SLTM: variants seen among roughly 807,000 people sequenced by gnomAD.
SLTM encodes the protein SAFB-like transcription modulator.
A neutral mutation model predicts 134.6 loss-of-function variants in SLTM; 43 were observed. The ratio of observed to expected loss-of-function variants is 0.32; its 90% CI spans 0.25 to 0.41. SLTM has a LOEUF of 0.41. Ranked by LOEUF, SLTM falls within the 10% of genes least tolerant of loss-of-function variation. The pLI is 1.00. For synonymous variants in SLTM, 424 were observed against 432.3 expected (o/e 0.98, Z 0.24); for missense variants, 1,055 against 1,288.8 (o/e 0.82, Z 2.78).
At chr15:58,906,270 T>G (rs1398493265) in intron 5 of SLTM, among the ~76,000 whole-genome samples, 2 of 152,204 alleles carry the variant, frequency 1.3e-5, no homozygotes, top group African/African-American at 2.4e-5. Context: ...TGTAAAACAT[T>G]TATTTGTCAA....
chr15:58,928,806 T>C (rs1323394391), intron 2 of SLTM, among the ~76,000 whole-genome samples: 1 of 152,252 alleles, frequency 6.6e-6, no homozygotes, highest in African/African-American at 2.4e-5. Flanking sequence ...TTATATATTA[T>C]GTCTCGCTGA....
rs139852972 is a variant in SLTM at position 58,897,215 on chromosome 15, C to A, written c.1127G>T (p.Ser376Ile). ...KDDKGSTSST[S>I]GSSGSSTKNI... The stretch of plus-strand genomic sequence containing the variant: ...TTTAGTTGAGCTTCCACTGCTACCA[C>A]TAGTACTACTTGTACTTCCTAGAAT... The change falls in exon 9 of 21, where the codon AGT becomes ATT. Residue 376 changes from serine to isoleucine, a missense_variant. By Grantham distance (142) the Ser-to-Ile change is moderately radical (BLOSUM62 -2). Coordinates refer to ENST00000380516, the MANE Select transcript of SLTM (RefSeq NM_024755.4). 3,398 of 1,598,974 alleles carry A rather than the reference C, an allele frequency of 2.1e-3. 4 individuals are homozygous for A. The highest frequency in any genetic ancestry group is 2.7e-3 in the Non-Finnish European group (3,163 of 1,166,568).
At chr15:58,931,747 G>A (rs1192497345) in intron 2 of SLTM, among the ~76,000 whole-genome samples, 1 of 152,106 alleles carries the variant, frequency 6.6e-6, no homozygotes, top group Non-Finnish European at 1.5e-5. Context: ...AATATATTTT[G>A]CTCTAGCTTA....
In SLTM at chr15:58,887,439, G is replaced by A. The variant is rs1487521133; in HGVS notation, c.2477C>T (p.Ser826Phe). ...FERYPKNFSDSRRNEPPPPRN... is the reference protein window; with the variant it reads ...FERYPKNFSDFRRNEPPPPRN... ...TGGTGGTGGAGGCTCATTTCTTCTGGAGTCACTGAAATTTTTGGGATATCT... is the reference window on the plus strand; with the variant it reads ...TGGTGGTGGAGGCTCATTTCTTCTGAAGTCACTGAAATTTTTGGGATATCT... The change falls in exon 18 of 21, where the codon TCC (serine) becomes TTC (phenylalanine). Residue 826 changes from serine to phenylalanine, a missense_variant. Around this residue, in one of 3 missense-constraint regions of SLTM, gnomAD observed 776 missense variants for 962.2 expected, o/e 0.81. Coordinates refer to ENST00000380516, the MANE Select transcript of SLTM (RefSeq NM_024755.4). 3 of 1,613,972 alleles carry A rather than the reference G, an allele frequency of 1.9e-6. No homozygotes were observed.
intron 2 of SLTM, among the ~76,000 whole-genome samples, chr15:58,917,773 A>G (rs76124947): frequency 6.6e-6 from 1 of 152,060 alleles, no homozygotes; most frequent in Non-Finnish European, 1.5e-5. Flanking sequence ...TTCTTGAGAC[A>G]GAGTCGCACT....
At position 58,933,661 on chromosome 15, in the gene SLTM, G is replaced by T; in HGVS notation, c.-96C>A. 2 of 1,345,944 alleles carry T rather than the reference G, an allele frequency of 1.5e-6. No individual in the cohort carries two copies. Among genetic ancestry groups the T allele is most frequent in the Non-Finnish European group, 1.9e-6 (2 of 1,052,812 alleles). 83.4% of individuals were successfully genotyped at this position (1,345,944 alleles called of 1,614,324 possible). On this transcript the variant is annotated 5_prime_UTR_variant, in exon 1 of 21. Coordinates refer to ENST00000380516, the MANE Select transcript of SLTM (RefSeq NM_024755.4). ...CCAGGCCTCGGCGGCCGCCGGCGCCGCGCAGCGCTGCGCACAATGAGCCGC... is the reference window on the plus strand; with the variant it reads ...CCAGGCCTCGGCGGCCGCCGGCGCCTCGCAGCGCTGCGCACAATGAGCCGC...
rs765762648 is a variant in SLTM, at chr15:58,890,291, C to T, written c.2069G>A (p.Arg690His). The change falls in exon 15 of 21, where the codon CGT becomes CAT. Residue 690 changes from arginine (R) to histidine (H), a missense_variant. Arg to His is a conservative substitution (Grantham distance 29). Transcript: ENST00000380516. ...ERERLERERIRIEQERRKEAE... is the reference protein window; with the variant it reads ...ERERLERERIHIEQERRKEAE... ...ATTTTCTGACTGCACCTGTTCAATA[C>T]GAATGCGTTCCCTTTCCAAGCGTTC... is the stretch of plus-strand genomic sequence containing the variant. 8.1e-6 allele frequency: 13 copies of T among 1,613,896 alleles called. No homozygotes were observed. Among genetic ancestry groups the T allele is most frequent in the African/African-American group, 2.7e-5 (2 of 74,910 alleles).
chr15:58,927,977 T>C (rs549612255), intron 2 of SLTM, among the ~76,000 whole-genome samples: 2 of 152,232 alleles, frequency 1.3e-5, no homozygotes, highest in African/African-American at 4.8e-5. Flanking sequence ...AAATATGTAG[T>C]CTGTGGTATT....
intron 2 of SLTM, among the ~76,000 whole-genome samples, chr15:58,930,042 G>C (rs1291334836): frequency 1.3e-5 from 2 of 152,050 alleles, no homozygotes; most frequent in East Asian, 3.9e-4. Flanking sequence ...ATGATAGCCG[G>C]ATTTCAAGAA....
intron 5 of SLTM, among the ~76,000 whole-genome samples, chr15:58,911,950 A>C (rs2036301824): frequency 6.6e-6 from 1 of 152,212 alleles, no homozygotes; most frequent in Non-Finnish European, 1.5e-5. Flanking sequence ...ACAAGAAAAA[A>C]ATCAAGAAGA....
chr15:58,891,252 A>G (rs918616514), intron 14 of SLTM, among the ~76,000 whole-genome samples: 2 of 152,200 alleles, frequency 1.3e-5, no homozygotes, highest in Non-Finnish European at 2.9e-5. Flanking sequence ...GGATGAAGGT[A>G]TCTAAGTATC....
intron 20 of SLTM, 23 bp from the exon 21 acceptor site, chr15:58,880,130 A>C (rs748970207): frequency 2.5e-6 from 4 of 1,608,832 alleles, no homozygotes; most frequent in Non-Finnish European, 1.7e-6. Context: ...TAAAAGAAAA[A>C]AACATCAGAG....
chr15:58,922,811 C>T (rs567738472), intron 2 of SLTM, among the ~76,000 whole-genome samples: 2 of 151,002 alleles, frequency 1.3e-5, no homozygotes, highest in Admixed American at 6.6e-5. Context: ...CTTGTGGGTT[C>T]GAGCGATTCT....
At chr15:58,904,073 G>A (rs1595882393) in intron 5 of SLTM, among the ~76,000 whole-genome samples, 1 of 152,284 alleles carries the variant, frequency 6.6e-6, no homozygotes, top group Middle Eastern at 3.4e-3. Context: ...TGTGATCTCA[G>A]CTCACTGCAA....
intron 2 of SLTM, among the ~76,000 whole-genome samples, chr15:58,927,963 T>C (rs1308166268): frequency 6.6e-6 from 1 of 152,222 alleles, no homozygotes; most frequent in Non-Finnish European, 1.5e-5. Flanking sequence ...ATGTACTTAA[T>C]TATAAATATG....
intron 4 of SLTM, 46 bp from the exon 5 acceptor site, chr15:58,912,656 G>A (rs762762199): frequency 4.3e-5 from 64 of 1,496,504 alleles, no homozygotes; most frequent in Non-Finnish European, 5.4e-5. Flanking sequence ...AAATATCGGG[G>A]TAACGTGAGA....
rs967992524 is a variant in SLTM at position 58,923,130 on chromosome 15, G to A, written c.251-6131C>T. Among the ~76,000 whole-genome samples, 8 of 152,138 alleles carry A rather than the reference G, an allele frequency of 5.3e-5. 1 individual carries two copies. The highest frequency in any genetic ancestry group is 1.9e-4 in the East Asian group (1 of 5,198). ...TCAAACCCTTTGGGAGGCCAAGGCA[G>A]GAGGATTAACTGAGGTCAGAAGTTC... is the stretch of plus-strand genomic sequence containing the variant. On this transcript the variant is annotated intron_variant, in intron 2 of 20. Coordinates refer to ENST00000380516, the MANE Select transcript of SLTM (RefSeq NM_024755.4).
chr15:58,920,664 AAAAT>A (rs1191637279), intron 2 of SLTM, among the ~76,000 whole-genome samples: 1 of 144,884 alleles, frequency 6.9e-6, no homozygotes. Flanking sequence ...TAAATAAATA[AAAAT>A]TTTTTGGCTG....
intron 2 of SLTM, among the ~76,000 whole-genome samples, chr15:58,929,586 A>G (rs1316844860): frequency 6.6e-6 from 1 of 152,194 alleles, no homozygotes; most frequent in Non-Finnish European, 1.5e-5. Flanking sequence ...TATTATTTAA[A>G]CATCTTAATT....
Sources: gnomAD v4.1 joint callset for allele counts (sites outside exome capture counted in the v4.1 genomes callset) on GRCh38, gnomAD v4.1.1 for gene constraint, gnomAD v4.1.1 regional missense constraint, MANE v1.5 for transcripts, NCBI Gene and HGNC (gene_info 2026-07-23, HGNC 2026-07-21) for gene names.